The following FREM3 variants were observed in gnomAD, a reference collection of about 807,000 sequenced individuals.
FREM3 encodes FRAS1-related extracellular matrix protein 3.
FREM3 carries 105 observed loss-of-function variants against 129.1 expected under a neutral mutation model. That is an observed-to-expected ratio of 0.81 (90% CI 0.69 to 0.96). The LOEUF is 0.96. FREM3 is among the 40% of genes least tolerant of loss of function. FREM3 has a pLI of 0.00. For synonymous variants in FREM3, 1,014 were observed against 1,044.9 expected, an observed-to-expected ratio of 0.97 and a Z score of 0.57; for missense variants, 2,593 against 2,666.3, an observed-to-expected ratio of 0.97 and a Z score of 0.61.
intron 2 of FREM3, among the ~76,000 whole-genome samples, chr4:143,663,819 C>T (rs957233776): frequency 6.6e-6 from 1 of 152,040 alleles, no homozygotes; most frequent in African/African-American, 2.4e-5. Flanking sequence ...TCCCTTCTCG[C>T]TTCATTTCAT....
At chr4:143,676,615 G>C (rs544365369) in intron 2 of FREM3, among the ~76,000 whole-genome samples, 10 of 152,300 alleles carry the variant, frequency 6.6e-5, no homozygotes, top group Admixed American at 5.9e-4. Context: ...CCTGTTTGCA[G>C]ATGACATGAT....
chr4:143,605,025 G>T (rs553870029), intron 6 of FREM3, among the ~76,000 whole-genome samples: 1 of 152,232 alleles, frequency 6.6e-6, no homozygotes, highest in Non-Finnish European at 1.5e-5. Context: ...GGCAAGGGTA[G>T]ACTTTGTAGT....
At chr4:143,648,618 C>T (rs1390127008) in intron 2 of FREM3, among the ~76,000 whole-genome samples, 1 of 152,224 alleles carries the variant, frequency 6.6e-6, no homozygotes, top group Non-Finnish European at 1.5e-5. Flanking sequence ...GCTCACTTCT[C>T]CTTCCTGCCA....
At chr4:143,584,145 C>T (rs1241703578) in intron 7 of FREM3, among the ~76,000 whole-genome samples, 1 of 151,916 alleles carries the variant, frequency 6.6e-6, no homozygotes, top group Admixed American at 6.6e-5. Context: ...CGCGGTGGCT[C>T]ACGCCTGTAA....
chr4:143,697,161 T>A lies in FREM3; in HGVS notation c.3515A>T (p.Asp1172Val), dbSNP rs768989420. The A allele has an allele frequency of 6.5e-7, 1 of 1,537,906 alleles. No homozygotes were observed. Among genetic ancestry groups the A allele is most frequent in the South Asian group, 1.2e-5 (1 of 84,066 alleles). ...QEDQFTFYCS[D>V]GINFSPNVFF... ...GACATTTGGGGAGAAGTTGATGCCA[T>A]CAGAGCAATAAAAGGTGAATTGGTC... is the stretch of plus-strand genomic sequence containing the variant. The change falls in exon 1 of 8, where the codon GAT becomes GTT. Residue 1172 changes from aspartate (D) to valine (V), a missense_variant. Physicochemically the swap from Asp to Val is radical, Grantham distance 152. This residue lies in a region of FREM3 where 2,276 missense variants were observed against 2,267.2 expected (regional missense o/e 1.00). Coordinates refer to ENST00000329798, the MANE Select transcript of FREM3 (RefSeq NM_001168235.2).
intron 2 of FREM3, among the ~76,000 whole-genome samples, chr4:143,646,914 GA>G (rs1739428331): frequency 6.6e-6 from 1 of 152,136 alleles, no homozygotes; most frequent in African/African-American, 2.4e-5. Flanking sequence ...GAACTTCCTA[GA>G]GACTTGTAGG....
chr4:143,634,835 G>A (rs1739206750), intron 2 of FREM3, among the ~76,000 whole-genome samples: 2 of 152,072 alleles, frequency 1.3e-5, no homozygotes, highest in Non-Finnish European at 1.5e-5. Context: ...TCAGGAAATT[G>A]TGAGGAGGTG....
At position 143,699,967 on chromosome 4, in the gene FREM3, C is replaced by T; in HGVS notation, c.709G>A (p.Gly237Ser). 1 of 1,511,720 alleles carries T rather than the reference C, an allele frequency of 6.6e-7. No homozygotes were observed. The highest frequency in any genetic ancestry group is 8.8e-7 in the Non-Finnish European group (1 of 1,132,092). 93.6% of individuals were successfully genotyped at this position (1,511,720 alleles called of 1,614,324 possible). Residue 237 changes from glycine to serine, a missense_variant, in exon 1 of 8, where the codon GGC becomes AGC. Physicochemically the swap from Gly to Ser is moderately conservative, Grantham distance 56 (BLOSUM62 0). Transcript: ENST00000329798. This position sits in a 1 kb window ranked among gnomAD's most constrained non-coding sequence, Gnocchi z 4.2. ...VDAVGAPLPR[G>S]KGVDCEAFLR... ...AAAGCCTCACAGTCTACGCCCTTGC[C>T]CCTGGGGAGAGGGGCCCCCACCGCG...
chr4:143,623,322 A>G (rs564475586), intron 4 of FREM3, among the ~76,000 whole-genome samples: 179 of 152,240 alleles, frequency 1.2e-3, no homozygotes, highest in African/African-American at 4.1e-3. Context: ...TTACACTAAC[A>G]TTCTCTTACG....
intron 2 of FREM3, among the ~76,000 whole-genome samples, chr4:143,644,149 T>C (rs759082956): frequency 2.6e-5 from 4 of 151,590 alleles, no homozygotes; most frequent in Non-Finnish European, 5.9e-5. Context: ...TAACTTTCTG[T>C]TAATCTTATT....
intron 6 of FREM3, among the ~76,000 whole-genome samples, chr4:143,592,471 G>A (rs574272022): frequency 5.9e-4 from 90 of 152,278 alleles, no homozygotes; most frequent in African/African-American, 2.0e-3. Context: ...GCTTGTCTGT[G>A]AAGTATTTTA....
intron 1 of FREM3, among the ~76,000 whole-genome samples, chr4:143,693,988 G>A (rs1740521386): frequency 6.6e-6 from 1 of 151,728 alleles, no homozygotes; most frequent in Non-Finnish European, 1.5e-5. Flanking sequence ...CAACAGTGGT[G>A]TTTTCTTGAG....
At chr4:143,612,366 G>A (rs1738773998) in intron 5 of FREM3, among the ~76,000 whole-genome samples, 1 of 152,168 alleles carries the variant, frequency 6.6e-6, no homozygotes, top group African/African-American at 2.4e-5. Context: ...TTAGCACAAT[G>A]CTTTTGAGAT....
intron 1 of FREM3, among the ~76,000 whole-genome samples, chr4:143,694,903 T>G (rs1185777210): frequency 6.6e-6 from 1 of 152,214 alleles, no homozygotes; most frequent in African/African-American, 2.4e-5. Context: ...TAAAAGCCAG[T>G]GGGTATCACA....
At chr4:143,607,479 G>T (rs189091606) in intron 6 of FREM3, among the ~76,000 whole-genome samples, 4 of 152,184 alleles carry the variant, frequency 2.6e-5, no homozygotes, top group African/African-American at 9.6e-5. Context: ...ACCTTGCTCT[G>T]TAGTTGGTTC....
intron 6 of FREM3, among the ~76,000 whole-genome samples, chr4:143,592,221 G>T (rs887443909): frequency 2.0e-5 from 3 of 152,110 alleles, no homozygotes; most frequent in African/African-American, 7.2e-5. Flanking sequence ...CTTTTAATTG[G>T]AGCATTTAGC....
chr4:143,693,570 T>A (rs1166513583), intron 1 of FREM3, among the ~76,000 whole-genome samples: 3 of 152,098 alleles, frequency 2.0e-5, no homozygotes, highest in Non-Finnish European at 2.9e-5. Flanking sequence ...AACAGAACTA[T>A]CATTCAACCC....
At chr4:143,638,595 C>G (rs2149845640) in intron 2 of FREM3, among the ~76,000 whole-genome samples, 1 of 152,262 alleles carries the variant, frequency 6.6e-6, no homozygotes, top group Middle Eastern at 3.4e-3. Context: ...ATGTACTGAA[C>G]TAGAGGGTCC....
intron 2 of FREM3, among the ~76,000 whole-genome samples, chr4:143,652,078 G>T: frequency 6.7e-6 from 1 of 149,698 alleles, no homozygotes; most frequent in Non-Finnish European, 1.5e-5. Context: ...TGTTCATTTG[G>T]TTTTCCTGGT....
Sources: allele counts gnomAD v4.1 joint callset (sites outside exome capture counted in the v4.1 genomes callset), GRCh38; gene constraint gnomAD v4.1.1; regional missense constraint gnomAD v4.1.1; non-coding constraint Gnocchi (gnomAD v3.1); transcripts MANE v1.5; gene names NCBI Gene and HGNC (gene_info 2026-07-23, HGNC 2026-07-21).